The following CCDC102B variants were observed in gnomAD, a reference collection of about 807,000 sequenced individuals.
The protein encoded by CCDC102B is coiled-coil domain containing 102B.
In CCDC102B, 75 loss-of-function variants were observed where a neutral mutation model predicts 57.4. The ratio of observed to expected loss-of-function variants is 1.31; its 90% CI spans 1.08 to 1.58. CCDC102B has a LOEUF of 1.58. Ranked by LOEUF, CCDC102B falls within the 40% of genes most tolerant of loss-of-function variation. The pLI is 0.00. For missense variants in CCDC102B, 636 were observed against 582.6 expected, an observed-to-expected ratio of 1.09 and a Z score of -0.94; for synonymous variants, 206 against 201.9, an observed-to-expected ratio of 1.02 and a Z score of -0.17.
At chr18:68,982,978 T>C (rs1437519774) in intron 6 of CCDC102B, among the ~76,000 whole-genome samples, 1 of 151,950 alleles carries the variant, frequency 6.6e-6, no homozygotes, top group African/African-American at 2.4e-5. Context: ...CATTTTCAGG[T>C]TAGCATCACA....
intron 5 of CCDC102B, among the ~76,000 whole-genome samples, chr18:68,894,529 A>T (rs895847894): frequency 6.6e-6 from 1 of 151,736 alleles, no homozygotes; most frequent in African/African-American, 2.4e-5. Context: ...TTTATGATAA[A>T]CTCTGAGAGC....
At chr18:68,771,254 TC>T (rs1351925168) in intron 2 of CCDC102B, among the ~76,000 whole-genome samples, 56 of 152,208 alleles carry the variant, frequency 3.7e-4, no homozygotes, top group African/African-American at 1.3e-3. Flanking sequence ...AACCAAGACT[TC>T]CCAAGCCCTG....
intron 6 of CCDC102B, among the ~76,000 whole-genome samples, chr18:68,966,683 G>C (rs549176925): frequency 5.3e-5 from 8 of 152,212 alleles, no homozygotes; most frequent in Admixed American, 6.6e-5. Context: ...TGTGGTGTTG[G>C]GGGGCAGGAA....
chr18:69,026,457 C>CAAAAAA (rs547625543), intron 7 of CCDC102B, among the ~76,000 whole-genome samples: 1 of 74,984 alleles, frequency 1.3e-5, no homozygotes. Context: ...AACCCTGTCT[C>CAAAAAA]AAAAAAAAAA....
At chr18:68,930,988 A>G (rs892888448) in intron 6 of CCDC102B, among the ~76,000 whole-genome samples, 1 of 151,822 alleles carries the variant, frequency 6.6e-6, no homozygotes, top group African/African-American at 2.4e-5. Context: ...AGAATACTCT[A>G]TTGTGATTTT....
rs1175456300 is a variant in CCDC102B at position 68,733,502 on chromosome 18, ATATATTTT to A, written c.-67+16910_-67+16917del. Among the ~76,000 whole-genome samples the A allele has an allele frequency of 1.2e-3, 103 of 84,774 alleles. 1 individual carries two copies. The highest frequency in any genetic ancestry group is 0.013 in the Middle Eastern group (2 of 150). 55.6% of individuals were successfully genotyped at this position (84,774 alleles called of 152,430 possible). ...TTTATATATATATATATATATATATATATATTTTTTTAACTTAAGCATGCTTTAAGAAG... is the reference window on the plus strand; with the variant it reads ...TTTATATATATATATATATATATATATTTAACTTAAGCATGCTTTAAGAAG... On this transcript the variant is annotated intron_variant, in intron 2 of 3. Transcript: ENST00000578970.
At chr18:68,750,806 G>A (rs1426148418) in intron 2 of CCDC102B, among the ~76,000 whole-genome samples, 2 of 123,738 alleles carry the variant, frequency 1.6e-5, no homozygotes, top group Non-Finnish European at 3.3e-5. Context: ...TCGTGGGGTG[G>A]GGGGAGGGGG....
chr18:68,870,334 T>C (rs912923205), intron 4 of CCDC102B, among the ~76,000 whole-genome samples: 1 of 152,160 alleles, frequency 6.6e-6, no homozygotes, highest in Non-Finnish European at 1.5e-5. Context: ...ATTCTGCACA[T>C]GTATCCCAGA....
chr18:69,034,458 A>G (rs1308832705), intron 7 of CCDC102B, among the ~76,000 whole-genome samples: 1 of 151,980 alleles, frequency 6.6e-6, no homozygotes, highest in Non-Finnish European at 1.5e-5. Context: ...ATTTGTTAAA[A>G]AGATTATGAT....
intron 6 of CCDC102B, among the ~76,000 whole-genome samples, chr18:68,961,995 C>G (rs1194348223): frequency 6.6e-6 from 1 of 152,016 alleles, no homozygotes; most frequent in Non-Finnish European, 1.5e-5. Flanking sequence ...ATGTCTTACA[C>G]AAGTATTTCC....
intron 6 of CCDC102B, among the ~76,000 whole-genome samples, chr18:69,001,969 C>T (rs764359919): frequency 1.3e-5 from 2 of 152,042 alleles, no homozygotes; most frequent in Admixed American, 6.6e-5. Flanking sequence ...ATTCTCAGGC[C>T]CAAGACCTAA....
At chr18:68,824,987 A>G (rs79565863) in intron 1 of CCDC102B, among the ~76,000 whole-genome samples, 2,520 of 152,278 alleles carry the variant, frequency 0.017, 32 homozygotes, top group Non-Finnish European at 0.029. Context: ...ATAGGTTAAT[A>G]TATGTGAAAT....
intron 2 of CCDC102B, among the ~76,000 whole-genome samples, chr18:68,744,063 A>T (rs976406054): frequency 6.6e-6 from 1 of 152,194 alleles, no homozygotes; most frequent in Admixed American, 6.5e-5. Flanking sequence ...ATGAGACTAT[A>T]TCCAACATAT....
chr18:68,998,145 G>A (rs908913131), intron 6 of CCDC102B, among the ~76,000 whole-genome samples: 10 of 151,960 alleles, frequency 6.6e-5, no homozygotes, highest in Admixed American at 4.6e-4. Flanking sequence ...GTTTGCCATA[G>A]TATGAGGTTT....
intron 2 of CCDC102B, chr18:68,838,321 TAA>T: frequency 1.3e-6 from 1 of 778,210 alleles, no homozygotes; most frequent in Non-Finnish European, 1.6e-6. Context: ...TCAAAAATGT[TAA>T]AAAATGATTG....
At chr18:68,968,333 G>C (rs570179385) in intron 6 of CCDC102B, among the ~76,000 whole-genome samples, 1 of 152,238 alleles carries the variant, frequency 6.6e-6, no homozygotes, top group South Asian at 2.1e-4. Context: ...ACGCAGCTCT[G>C]AAATCCCCTT....
intron 6 of CCDC102B, among the ~76,000 whole-genome samples, chr18:68,948,062 T>C (rs1278828854): frequency 6.6e-6 from 1 of 152,158 alleles, no homozygotes; most frequent in Non-Finnish European, 1.5e-5. Context: ...GCTTTTGCAA[T>C]ATATATACTC....
chr18:69,033,833 T>C (rs1056541417), intron 7 of CCDC102B, among the ~76,000 whole-genome samples: 7 of 152,102 alleles, frequency 4.6e-5, no homozygotes, highest in Non-Finnish European at 1.0e-4. Context: ...AGGATTTCAA[T>C]TTCTTCACAT....
chr18:68,936,991 A>C (rs1055416750), intron 6 of CCDC102B, among the ~76,000 whole-genome samples: 2 of 151,978 alleles, frequency 1.3e-5, no homozygotes, highest in African/African-American at 4.8e-5. Flanking sequence ...GGGGAAATAC[A>C]GGTTTAGGCT....
Sources: gnomAD v4.1 joint callset for allele counts (sites outside exome capture counted in the v4.1 genomes callset) on GRCh38, gnomAD v4.1.1 for gene constraint, MANE v1.5 for transcripts, NCBI Gene and HGNC (gene_info 2026-07-23, HGNC 2026-07-21) for gene names.